Variants in CACNA1H observed in about 807,000 individuals in gnomAD.
The protein encoded by CACNA1H is voltage-dependent T-type calcium channel subunit alpha-1H.
CACNA1H carries 149 observed loss-of-function variants against 192.5 expected under a neutral mutation model. The ratio of observed to expected loss-of-function variants is 0.77; its 90% CI spans 0.68 to 0.89. CACNA1H has a LOEUF of 0.89. Among genes scored for constraint, CACNA1H ranks in the 40% least tolerant of loss-of-function variants. The pLI, the probability that CACNA1H is intolerant of heterozygous loss-of-function variation, is 0.00. For synonymous variants in CACNA1H, 2,202 were observed against 1,475.2 expected (o/e 1.49, Z -11.29); for missense variants, 4,257 against 3,423.5 (o/e 1.24, Z -6.08).
Position 1,218,666 on chromosome 16 carries a change from A to G in CACNA1H, c.5887+15A>G, listed in dbSNP as rs1432089930. ...CACCCCCTTGGGTATGGTAGCCAGC[A>G]GGAAGATATGGGCTGGGTGGGAAGC... On this transcript the variant is annotated intron_variant, in intron 33 of 34. Transcript: ENST00000348261. 35 of 1,390,048 alleles carry G rather than the reference A, an allele frequency of 2.5e-5. No individual in the cohort carries two copies. Among genetic ancestry groups the G allele is most frequent in the Non-Finnish European group, 3.2e-5 (34 of 1,046,556 alleles). 86.1% of individuals were successfully genotyped at this position (1,390,048 alleles called of 1,614,324 possible).
intron 4 of CACNA1H, 32 bp from the exon 5 acceptor site, chr16:1,195,894 G>A (rs1243532275): frequency 1.3e-6 from 2 of 1,558,476 alleles, no homozygotes; most frequent in South Asian, 1.1e-5. Context: ...TGGGCTCCTT[G>A]TTGAGCTGCT....
At chr16:1,193,583 T>C (rs554681084) in intron 2 of CACNA1H, among the ~76,000 whole-genome samples, 1 of 152,392 alleles carries the variant, frequency 6.6e-6, no homozygotes, top group South Asian at 2.1e-4. Context: ...AGCGCGTGGC[T>C]GTGCCAGCAT....
intron 2 of CACNA1H, among the ~76,000 whole-genome samples, chr16:1,183,554 C>A (rs762265727): frequency 2.0e-4 from 30 of 152,260 alleles, no homozygotes; most frequent in South Asian, 6.2e-4. Flanking sequence ...CCCCTTCCCA[C>A]CCAGTTCCCT....
At chr16:1,184,922 G>T (rs1014456946) in intron 2 of CACNA1H, among the ~76,000 whole-genome samples, 2 of 152,064 alleles carry the variant, frequency 1.3e-5, no homozygotes, top group African/African-American at 4.8e-5. Flanking sequence ...TTTATGTGAC[G>T]ACCAGCGGAT....
In CACNA1H at chr16:1,206,266, C is replaced by A; in HGVS notation, c.2766C>A (p.Leu922=). The change falls in exon 12 of 35, where the codon CTC becomes CTA. Residue 922 remains leucine (L), a synonymous_variant. Transcript: ENST00000348261. The stretch of plus-strand genomic sequence containing the variant: ...ACGTGGCTACCTTCTGCACGCTGCT[C>A]ATGCTCTTCATTTTCATCTTCAGGT... ...MDNVATFCTL[L]MLFIFIFSIL... The A allele has an allele frequency of 6.4e-7, 1 of 1,563,268 alleles. No homozygotes were observed. Among genetic ancestry groups the A allele is most frequent in the Admixed American group, 1.9e-5 (1 of 53,140 alleles).
intron 2 of CACNA1H, among the ~76,000 whole-genome samples, chr16:1,161,524 G>C (rs1963197548): frequency 6.6e-6 from 1 of 152,180 alleles, no homozygotes. Context: ...AGCCTCAACT[G>C]GGTGGAGCCT....
chr16:1,182,536 C>T (rs917172093), intron 2 of CACNA1H, among the ~76,000 whole-genome samples: 3 of 152,116 alleles, frequency 2.0e-5, no homozygotes, highest in East Asian at 3.9e-4. Context: ...GGCTGCTGCC[C>T]GGGCTCCCCA....
chr16:1,190,287 C>G (rs904050183), intron 2 of CACNA1H, among the ~76,000 whole-genome samples: 1 of 152,254 alleles, frequency 6.6e-6, no homozygotes, highest in African/African-American at 2.4e-5. Flanking sequence ...GATTTGAAAT[C>G]TAAAGGAATT....
chr16:1,166,093 T>C (rs1349657373), intron 2 of CACNA1H, among the ~76,000 whole-genome samples: 1 of 152,192 alleles, frequency 6.6e-6, no homozygotes, highest in Non-Finnish European at 1.5e-5. Flanking sequence ...CGCCGAGATT[T>C]CTTGTTTGTG....
At chr16:1,172,646 C>A (rs376723641) in intron 2 of CACNA1H, among the ~76,000 whole-genome samples, 1 of 152,210 alleles carries the variant, frequency 6.6e-6, no homozygotes, top group African/African-American at 2.4e-5. Flanking sequence ...TTAAAGCAGC[C>A]GCTTTCCCAT....
At chr16:1,209,602 C>G (rs8050803) in intron 17 of CACNA1H, 190 bp downstream of exon 17, 1 of 690,476 alleles carries the variant, frequency 1.4e-6, no homozygotes, top group African/African-American at 1.8e-5. Context: ...ATCCCAGAGT[C>G]CCCCCTCTGC....
At chr16:1,182,149 C>T (rs560201873) in intron 2 of CACNA1H, among the ~76,000 whole-genome samples, 50 of 152,298 alleles carry the variant, frequency 3.3e-4, no homozygotes, top group African/African-American at 1.1e-3. Flanking sequence ...GTGCCTGAGA[C>T]AGCGCAGGTG....
rs2141414870 is a variant in CACNA1H, at chr16:1,221,052, T to G, written c.*58T>G. 2 of 1,350,660 alleles carry G rather than the reference T, an allele frequency of 1.5e-6. No individual in the cohort carries two copies. The highest frequency in any genetic ancestry group is 2.0e-6 in the Non-Finnish European group (2 of 1,001,372). 83.7% of individuals were successfully genotyped at this position (1,350,660 alleles called of 1,614,324 possible). On this transcript the variant is annotated 3_prime_UTR_variant, in exon 35 of 35. Coordinates refer to ENST00000348261, the MANE Select transcript of CACNA1H (RefSeq NM_021098.3). The stretch of plus-strand genomic sequence containing the variant: ...CTGGGGTCTGGGGGCCCCGCTGGGG[T>G]GGAGGCCCAGGCAGAACCCTGCATG...
At chr16:1,183,923 C>T (rs548189321) in intron 2 of CACNA1H, among the ~76,000 whole-genome samples, 30 of 152,364 alleles carry the variant, frequency 2.0e-4, no homozygotes, top group African/African-American at 6.7e-4. Flanking sequence ...GGTTAATTAA[C>T]GACAGGTGCC....
intron 2 of CACNA1H, among the ~76,000 whole-genome samples, chr16:1,179,275 G>C (rs1353069580): frequency 6.6e-6 from 1 of 152,040 alleles, no homozygotes; most frequent in Non-Finnish European, 1.5e-5. Context: ...GGGGCTCCTG[G>C]GTAGGGTGAG....
At chr16:1,156,841 A>AGAC (rs1462887915) in intron 2 of CACNA1H, 3 of 152,200 alleles carry the variant, frequency 2.0e-5, no homozygotes, top group Admixed American at 1.3e-4. Context: ...ACCCCGGGGT[A>AGAC]GACGCTCAGC....
chr16:1,188,657 T>C lies in CACNA1H; in HGVS notation c.300-6315T>C, dbSNP rs192940749. On this transcript the variant is annotated intron_variant, in intron 2 of 34. Coordinates refer to ENST00000348261, the MANE Select transcript of CACNA1H (RefSeq NM_021098.3). ...CGGGAGAAAACGGCGCCTTCAGAGC[T>C]ATGCGCTTTCAAGCTGGGAAGAGCA... Among the ~76,000 whole-genome samples, 719 of 152,252 alleles carry C rather than the reference T, an allele frequency of 4.7e-3. 12 individuals are homozygous for C. Among genetic ancestry groups the C allele is most frequent in the African/African-American group, 0.012 (509 of 41,548 alleles).
intron 5 of CACNA1H, 71 bp downstream of exon 5, chr16:1,196,094 A>G (rs1390280958): frequency 8.1e-7 from 1 of 1,234,758 alleles, no homozygotes. Flanking sequence ...AGAGCTCTCA[A>G]AAGGGCCCCC....
chr16:1,174,898 G>A lies in CACNA1H; in HGVS notation c.300-20074G>A, dbSNP rs1018057547. ...GGCGGTGGGCAGGCAGGGGGCCGGC[G>A]GGAGGCCCCCACCCGCACCTTCACC... On this transcript the variant is annotated intron_variant, in intron 2 of 34. Transcript: ENST00000348261. Among the ~76,000 whole-genome samples the A allele has an allele frequency of 8.5e-5, 13 of 152,122 alleles. No homozygotes were observed. In the East Asian group the frequency reaches 2.1e-3, roughly 25 times the overall value.
Sources: allele counts gnomAD v4.1 joint callset (sites outside exome capture counted in the v4.1 genomes callset), GRCh38; gene constraint gnomAD v4.1.1; transcripts MANE v1.5; gene names NCBI Gene and HGNC (gene_info 2026-07-23, HGNC 2026-07-21).